IRAK2: variants seen among roughly 807,000 people sequenced by gnomAD.
The protein encoded by IRAK2 is interleukin-1 receptor-associated kinase-like 2.
Under a neutral mutation model 72.0 loss-of-function variants are expected in IRAK2, and 57 were observed. That is an observed-to-expected ratio of 0.79 (90% CI 0.64 to 0.99). The LOEUF is 0.99. Among genes scored for constraint, IRAK2 ranks in the 50% least tolerant of loss-of-function variants. The pLI is 0.00. For missense variants in IRAK2, 790 were observed against 794.4 expected (o/e 0.99, Z 0.07); for synonymous variants, 293 against 312.7 (o/e 0.94, Z 0.67).
Position 10,213,334 on chromosome 3 carries a change from G to GATTTTGCA in IRAK2, c.656_657insATTTTGCA (p.Thr220PhefsTer153). On this transcript the variant is annotated frameshift_variant, in exon 5 of 13. Coordinates refer to ENST00000256458, the MANE Select transcript of IRAK2 (RefSeq NM_001570.4). LOFTEE classifies it high-confidence loss of function. Reference sequence around the variant, plus strand: ...AATCAAAACCGCAAAATCAGCCAGGGGACCTTTGCTGACGTCTACAGAGGG... The same window carrying GATTTTGCA: ...AATCAAAACCGCAAAATCAGCCAGGGATTTTGCAGACCTTTGCTGACGTCTACAGAGGG... 6.2e-7 allele frequency: 1 copy of GATTTTGCA among 1,614,100 alleles called. No individual in the cohort carries two copies. Among genetic ancestry groups the GATTTTGCA allele is most frequent in the East Asian group, 2.2e-5 (1 of 44,872 alleles).
In IRAK2 at chr3:10,165,056, C is replaced by T. The variant is rs561460688; in HGVS notation, c.94+8C>T. The T allele has an allele frequency of 6.2e-7, 1 of 1,605,558 alleles. No individual in the cohort carries two copies. Among genetic ancestry groups the T allele is most frequent in the South Asian group, 1.1e-5 (1 of 90,142 alleles). On this transcript the variant is annotated splice_region_variant and intron_variant, in intron 1 of 12. Transcript: ENST00000256458. ...GGGACTGGATGGAGTTCGGTGAGTGCGGCCCGGGGAGGGGAGGGGACCAGG... is the reference window on the plus strand; with the variant it reads ...GGGACTGGATGGAGTTCGGTGAGTGTGGCCCGGGGAGGGGAGGGGACCAGG...
intron 1 of IRAK2, among the ~76,000 whole-genome samples, chr3:10,168,710 G>A (rs1320912244): frequency 6.6e-6 from 1 of 152,156 alleles, no homozygotes; most frequent in Admixed American, 6.6e-5. Context: ...TGCCAGGCAT[G>A]TTGACTCTGA....
rs141395070 is a variant in IRAK2 at position 10,178,004 on chromosome 3, C to T, written c.261C>T (p.Ala87=). 793 of 1,609,506 alleles carry T rather than the reference C, an allele frequency of 4.9e-4. No individual in the cohort carries two copies. Among genetic ancestry groups the T allele is most frequent in the Non-Finnish European group, 3.3e-4 (386 of 1,178,024 alleles). ...GCCGCCTGGAGCTCTACCGGGCTGC[C>T]CAGATCATCCTGAACTGTGAGTAAC... The part of the protein sequence containing the change: ...LLCRLELYRA[A]QIILNWKPAP... The change falls in exon 2 of 13, where the codon GCC becomes GCT. Residue 87 remains alanine (A), a synonymous_variant. Transcript: ENST00000256458.
intron 6 of IRAK2, 151 bp downstream of exon 6, chr3:10,213,699 T>G: frequency 3.1e-6 from 2 of 648,892 alleles, no homozygotes; most frequent in Non-Finnish European, 5.4e-6. Flanking sequence ...TCACATTATT[T>G]TACAGATGGG....
intron 2 of IRAK2, among the ~76,000 whole-genome samples, chr3:10,183,977 G>A (rs1172280041): frequency 6.6e-6 from 1 of 152,154 alleles, no homozygotes; most frequent in Non-Finnish European, 1.5e-5. Flanking sequence ...GGCTGCCCCG[G>A]GCTCAAGTGG....
chr3:10,234,895 ACT>A (rs1254780410), intron 11 of IRAK2, among the ~76,000 whole-genome samples: 1 of 152,062 alleles, frequency 6.6e-6, no homozygotes, highest in Non-Finnish European at 1.5e-5. Context: ...TGTTAACTGA[ACT>A]CGATGAACTC....
chr3:10,208,589 C>G (rs1379120906), intron 3 of IRAK2, among the ~76,000 whole-genome samples: 1 of 151,754 alleles, frequency 6.6e-6, no homozygotes, highest in African/African-American at 2.4e-5. Context: ...CAGTGAAACC[C>G]CATCTCTACT....
chr3:10,179,078 C>T (rs55806638), intron 2 of IRAK2, among the ~76,000 whole-genome samples: 52,436 of 152,038 alleles, frequency 0.34, 9,546 homozygotes, highest in Admixed American at 0.44. Flanking sequence ...GTCACATCAC[C>T]CTGCCTGCAA....
intron 2 of IRAK2, among the ~76,000 whole-genome samples, chr3:10,191,431 T>C (rs1308849829): frequency 6.6e-6 from 1 of 152,192 alleles, no homozygotes; most frequent in Non-Finnish European, 1.5e-5. Flanking sequence ...TCCAGGGCGC[T>C]TACAGTAAGG....
intron 4 of IRAK2, among the ~76,000 whole-genome samples, chr3:10,211,154 T>A (rs1469373115): frequency 2.0e-5 from 3 of 151,960 alleles, no homozygotes; most frequent in Non-Finnish European, 4.4e-5. Context: ...TGAGCCACCG[T>A]GCCTGGCCAA....
At chr3:10,203,781 G>A (rs1393181212) in intron 3 of IRAK2, among the ~76,000 whole-genome samples, 4 of 152,154 alleles carry the variant, frequency 2.6e-5, no homozygotes, top group Non-Finnish European at 1.5e-5. Flanking sequence ...ACAGGTGCGC[G>A]CCACCACGCC....
intron 1 of IRAK2, among the ~76,000 whole-genome samples, chr3:10,165,754 G>A (rs1470671286): frequency 7.9e-6 from 1 of 126,724 alleles, no homozygotes; most frequent in Non-Finnish European, 1.6e-5. Context: ...TTTTTAAGAC[G>A]GAGTCTCACT....
intron 1 of IRAK2, 58 bp from the exon 2 acceptor site, chr3:10,177,780 C>T (rs1575954688): frequency 6.5e-7 from 1 of 1,548,292 alleles, no homozygotes; most frequent in Non-Finnish European, 8.8e-7. Context: ...AGTGTGGGGA[C>T]CTGTCCTAGA....
At chr3:10,241,985 AG>A (rs1451027370) in intron 12 of IRAK2, 130 bp from the exon 13 acceptor site, 17 of 394,598 alleles carry the variant, frequency 4.3e-5, no homozygotes, top group South Asian at 6.2e-5. Context: ...TAAAAAAAAA[AG>A]AAAAAAAAAA....
At chr3:10,187,437 T>C (rs562371878) in intron 2 of IRAK2, among the ~76,000 whole-genome samples, 1 of 152,312 alleles carries the variant, frequency 6.6e-6, no homozygotes, top group East Asian at 1.9e-4. Context: ...TGTGTCCTAA[T>C]TGAAAGCTGC....
chr3:10,234,707 C>T (rs752243313), intron 11 of IRAK2, 48 bp downstream of exon 11: 1 of 1,541,712 alleles, frequency 6.5e-7, no homozygotes, highest in South Asian at 1.1e-5. Context: ...CGCGTGGGTC[C>T]ACCTCATCGG....
chr3:10,214,671 G>A (rs1697575050), intron 6 of IRAK2, among the ~76,000 whole-genome samples: 2 of 151,898 alleles, frequency 1.3e-5, no homozygotes, highest in South Asian at 4.1e-4. Flanking sequence ...AATTGACCAG[G>A]TATGGTGGTT....
chr3:10,181,493 A>T (rs1437265758), intron 2 of IRAK2, among the ~76,000 whole-genome samples: 1 of 152,064 alleles, frequency 6.6e-6, no homozygotes, highest in Non-Finnish European at 1.5e-5. Context: ...CCAGCTACTC[A>T]TGAGGCTGAG....
At chr3:10,166,394 G>A (rs542494628) in intron 1 of IRAK2, among the ~76,000 whole-genome samples, 27 of 152,304 alleles carry the variant, frequency 1.8e-4, no homozygotes, top group African/African-American at 6.5e-4. Context: ...GGCGGAGAGG[G>A]CCATGGACTC....
Sources: allele counts gnomAD v4.1 joint callset (sites outside exome capture counted in the v4.1 genomes callset), GRCh38; gene constraint gnomAD v4.1.1; transcripts MANE v1.5; gene names NCBI Gene and HGNC (gene_info 2026-07-23, HGNC 2026-07-21).